Variants in PLXNA4 observed in about 807,000 individuals in gnomAD.
PLXNA4 encodes plexin-A4.
PLXNA4 carries 44 observed loss-of-function variants against 191.8 expected under a neutral mutation model. The ratio of observed to expected loss-of-function variants is 0.23; its 90% CI spans 0.18 to 0.29. The LOEUF (loss-of-function observed/expected upper bound fraction) is 0.29. PLXNA4 is among the 10% of genes least tolerant of loss of function. The pLI is 1.00. For missense variants in PLXNA4, 1,800 were observed against 2,488.8 expected (o/e 0.72, Z 5.89); for synonymous variants, 1,082 against 1,009.5 (o/e 1.07, Z -1.36).
chr7:132,611,336 C>A (rs969772016), intron 2 of PLXNA4, among the ~76,000 whole-genome samples: 1 of 152,194 alleles, frequency 6.6e-6, no homozygotes, highest in Admixed American at 6.5e-5. Context: ...TTTTCTCCCC[C>A]TCAAAGTAAC....
chr7:132,448,889 G>A (rs1796009601), intron 3 of PLXNA4, among the ~76,000 whole-genome samples: 1 of 152,234 alleles, frequency 6.6e-6, no homozygotes. Context: ...CAAGACAACA[G>A]CTAACTGTAG....
At position 132,133,055 on chromosome 7, in the gene PLXNA4, G is replaced by A. The variant is rs202117552; in HGVS notation, c.5583C>T (p.Ser1861=). ...GGAGCAGGGCAAAGCTTACCTCCTCGCTGTATTTGCCCACATAGGAGAAGA... is the reference window on the plus strand; with the variant it reads ...GGAGCAGGGCAAAGCTTACCTCCTCACTGTATTTGCCCACATAGGAGAAGA... The part of the protein sequence containing the change: ...SEIFSYVGKY[S]EEILGPLDHD... Residue 1861 remains serine, a synonymous_variant, in exon 31 of 32, where the codon AGC becomes AGT. Transcript: ENST00000321063. 870 of 1,613,680 alleles carry A rather than the reference G, an allele frequency of 5.4e-4. 4 individuals are homozygous for A. The highest frequency in any genetic ancestry group is 2.0e-4 in the Non-Finnish European group (234 of 1,179,766).
intron 27 of PLXNA4, among the ~76,000 whole-genome samples, chr7:132,146,980 A>AAT (rs1176108915): frequency 6.6e-6 from 1 of 152,164 alleles, no homozygotes; most frequent in Non-Finnish European, 1.5e-5. Context: ...AATTTGTAAA[A>AAT]ATATAAGCCT....
chr7:132,191,291 G>A (rs971908693), intron 14 of PLXNA4, among the ~76,000 whole-genome samples: 7 of 152,168 alleles, frequency 4.6e-5, no homozygotes, highest in Non-Finnish European at 1.0e-4. Context: ...GGGACATGGT[G>A]ATGGATTGAT....
At chr7:132,587,456 TCAGGCAGAAAC>T (rs1202803461) in intron 2 of PLXNA4, among the ~76,000 whole-genome samples, 1 of 152,214 alleles carries the variant, frequency 6.6e-6, no homozygotes, top group East Asian at 1.9e-4. Context: ...CTTCGTGTGG[TCAGGCAGAAAC>T]CAGGGGACAC....
chr7:132,194,036 C>T, intron 14 of PLXNA4, 26 bp downstream of exon 14: 1 of 1,604,976 alleles, frequency 6.2e-7, no homozygotes, highest in Non-Finnish European at 8.5e-7. Context: ...CTGCACCCAG[C>T]CAGATCACTG....
At chr7:132,413,182 C>T (rs1794529405) in intron 3 of PLXNA4, among the ~76,000 whole-genome samples, 1 of 152,190 alleles carries the variant, frequency 6.6e-6, no homozygotes, top group Non-Finnish European at 1.5e-5. Context: ...AAGTCCAGGA[C>T]AGACCCAATC....
intron 2 of PLXNA4, among the ~76,000 whole-genome samples, chr7:132,631,761 T>C (rs1367447903): frequency 2.0e-5 from 3 of 152,176 alleles, no homozygotes; most frequent in African/African-American, 7.2e-5. Context: ...TGATTAAATC[T>C]ATGCTACATG....
chr7:132,155,823 T>C (rs1314370197), intron 25 of PLXNA4, among the ~76,000 whole-genome samples: 2 of 152,214 alleles, frequency 1.3e-5, no homozygotes, highest in African/African-American at 4.8e-5. Context: ...TTATTCGATA[T>C]GTTTCTGTGA....
At chr7:132,501,820 G>C (rs1332397805) in intron 2 of PLXNA4, among the ~76,000 whole-genome samples, 1 of 152,208 alleles carries the variant, frequency 6.6e-6, no homozygotes, top group African/African-American at 2.4e-5. Flanking sequence ...GGCCATGAGA[G>C]GTGGGCACTC....
At chr7:132,618,806 A>G (rs564864938) in intron 2 of PLXNA4, among the ~76,000 whole-genome samples, 76 of 152,252 alleles carry the variant, frequency 5.0e-4, no homozygotes, top group Non-Finnish European at 8.5e-4. Flanking sequence ...TATATCATAT[A>G]CATGAAATAT....
intron 3 of PLXNA4, among the ~76,000 whole-genome samples, chr7:132,391,168 A>C (rs926279175): frequency 6.6e-6 from 1 of 152,152 alleles, no homozygotes; most frequent in African/African-American, 2.4e-5. Flanking sequence ...AGCTGGCAGG[A>C]GCAGGTATGT....
chr7:132,239,221 A>T (rs985080148), intron 5 of PLXNA4, among the ~76,000 whole-genome samples: 2 of 152,138 alleles, frequency 1.3e-5, no homozygotes, highest in Non-Finnish European at 2.9e-5. Flanking sequence ...CTGAGGCCAT[A>T]AAGGAAGTAC....
intron 3 of PLXNA4, among the ~76,000 whole-genome samples, chr7:132,430,481 G>A (rs1795216925): frequency 6.6e-6 from 1 of 152,108 alleles, no homozygotes; most frequent in South Asian, 2.1e-4. Context: ...CCAAGAAAGG[G>A]CCAATGACAG....
At chr7:132,581,484 C>G (rs1242830677), upstream of PLXNA4, among the ~76,000 whole-genome samples, 1 of 152,226 alleles carries the variant, frequency 6.6e-6, no homozygotes, top group Non-Finnish European at 1.5e-5. Flanking sequence ...GAGACCGCCA[C>G]TGGTGGGTGT....
At chr7:132,155,581 G>A (rs1264825845) in intron 25 of PLXNA4, among the ~76,000 whole-genome samples, 1 of 152,172 alleles carries the variant, frequency 6.6e-6, no homozygotes, top group Non-Finnish European at 1.5e-5. Flanking sequence ...CCTGTGGGTG[G>A]AAAGGGACAT....
intron 3 of PLXNA4, among the ~76,000 whole-genome samples, chr7:132,394,542 A>G (rs1295172591): frequency 6.6e-6 from 1 of 152,210 alleles, no homozygotes; most frequent in African/African-American, 2.4e-5. Flanking sequence ...ACTGCTTTAA[A>G]AGAAAGGAAA....
intron 25 of PLXNA4, among the ~76,000 whole-genome samples, chr7:132,151,205 G>A (rs1389273037): frequency 6.6e-6 from 1 of 151,116 alleles, no homozygotes; most frequent in Non-Finnish European, 1.5e-5. Flanking sequence ...AAGAAGAAGA[G>A]AAGGAAGAAG....
intron 3 of PLXNA4, among the ~76,000 whole-genome samples, chr7:132,329,400 AAG>A (rs1233235152): frequency 2.0e-5 from 3 of 152,178 alleles, no homozygotes; most frequent in Non-Finnish European, 2.9e-5. Flanking sequence ...ATTTTACAAG[AAG>A]AGAGTGAGTG....
Sources: gnomAD v4.1 joint callset for allele counts (sites outside exome capture counted in the v4.1 genomes callset) on GRCh38, gnomAD v4.1.1 for gene constraint, MANE v1.5 for transcripts, NCBI Gene and HGNC (gene_info 2026-07-23, HGNC 2026-07-21) for gene names.